The following NFIA variants were observed in gnomAD, a reference collection of about 807,000 sequenced individuals.
The protein encoded by NFIA is nuclear factor 1 A-type.
Under a neutral mutation model 62.8 loss-of-function variants are expected in NFIA, and 8 were observed. The observed-to-expected ratio is 0.13, with a 90% CI of 0.07 to 0.23. The LOEUF (loss-of-function observed/expected upper bound fraction) is 0.23, where lower values mean the gene tolerates loss of function less well. Ranked by LOEUF, NFIA falls within the 10% of genes least tolerant of loss-of-function variation. The probability of loss-of-function intolerance (pLI) is 1.00; values close to 1 mark genes in which losing one functional copy is unlikely to be tolerated. For missense variants in NFIA, 410 were observed against 642.1 expected (o/e 0.64, Z 3.91); for synonymous variants, 235 against 238.1 (o/e 0.99, Z 0.12).
At chr1:61,345,903 C>G (rs1357231251) in intron 4 of NFIA, among the ~76,000 whole-genome samples, 2 of 152,034 alleles carry the variant, frequency 1.3e-5, no homozygotes, top group Non-Finnish European at 2.9e-5. Context: ...ATAAATGATG[C>G]CTAATAAATC....
intron 10 of NFIA, among the ~76,000 whole-genome samples, chr1:61,449,411 C>T (rs1667965096): frequency 1.3e-5 from 2 of 152,168 alleles, no homozygotes; most frequent in South Asian, 4.1e-4. Context: ...CTTAGATAGC[C>T]AGCTTGCCTG....
At chr1:61,269,463 A>G (rs1474832895) in intron 2 of NFIA, among the ~76,000 whole-genome samples, 3 of 152,222 alleles carry the variant, frequency 2.0e-5, no homozygotes, top group Non-Finnish European at 4.4e-5. Flanking sequence ...ATGCCTGTAC[A>G]AAAGTTATTT....
At chr1:61,297,760 A>G (rs1659265619) in intron 3 of NFIA, among the ~76,000 whole-genome samples, 1 of 152,208 alleles carries the variant, frequency 6.6e-6, no homozygotes, top group South Asian at 2.1e-4. Context: ...TAAGTGCTCT[A>G]ACTGTGAAAC....
rs1246133215 is a variant in NFIA, at chr1:61,406,678, G to A, written c.1371G>A (p.Lys457=). The A allele has an allele frequency of 1.9e-6, 3 of 1,610,942 alleles. No individual in the cohort carries two copies. In the South Asian group the frequency reaches 3.3e-5, roughly 18 times the overall value. Residue 457 remains lysine (K), a synonymous_variant, in exon 9 of 11, where the codon AAG becomes AAA. Coordinates refer to ENST00000403491, the MANE Select transcript of NFIA (RefSeq NM_001134673.4). The part of the protein sequence containing the change: ...RPVPLPVPDT[K]PPTTSTEGGA... ...TGCCTCTGCCGGTGCCAGACACAAAGCCTCCAACCACGTCAACAGAAGGAG... is the reference window on the plus strand; with the variant it reads ...TGCCTCTGCCGGTGCCAGACACAAAACCTCCAACCACGTCAACAGAAGGAG...
intron 9 of NFIA, among the ~76,000 whole-genome samples, chr1:61,424,698 C>T (rs1666787846): frequency 6.6e-6 from 1 of 152,178 alleles, no homozygotes; most frequent in Admixed American, 6.5e-5. Flanking sequence ...TCTTTGTGCT[C>T]TAAGAGCAGG....
chr1:61,287,661 C>CCT (rs1658593496), intron 3 of NFIA, among the ~76,000 whole-genome samples: 1 of 151,752 alleles, frequency 6.6e-6, no homozygotes, highest in Non-Finnish European at 1.5e-5. Flanking sequence ...CCCCAACCCC[C>CCT]CCCAAAAAAA....
intron 3 of NFIA, among the ~76,000 whole-genome samples, chr1:61,297,392 T>C (rs1257514089): frequency 6.6e-6 from 1 of 152,180 alleles, no homozygotes; most frequent in Non-Finnish European, 1.5e-5. Context: ...TGCAAACCAC[T>C]GACCCATAGC....
chr1:61,148,957 C>G (rs570103040), intron 2 of NFIA, among the ~76,000 whole-genome samples: 1 of 152,116 alleles, frequency 6.6e-6, no homozygotes, highest in Non-Finnish European at 1.5e-5. Context: ...ACTACAGCCT[C>G]GAACTCCTGG....
At chr1:61,139,109 C>T (rs1284531327) in intron 2 of NFIA, among the ~76,000 whole-genome samples, 2 of 152,070 alleles carry the variant, frequency 1.3e-5, no homozygotes, top group South Asian at 2.1e-4. Context: ...ACCCGGGAGG[C>T]GGAGGTTGCA....
At chr1:61,246,666 G>A (rs1347506976) in intron 2 of NFIA, among the ~76,000 whole-genome samples, 1 of 152,016 alleles carries the variant, frequency 6.6e-6, no homozygotes, top group Non-Finnish European at 1.5e-5. Flanking sequence ...CTTCAAAGGT[G>A]GGATGACTGA....
chr1:61,406,988 A>G (rs986979675), intron 9 of NFIA, among the ~76,000 whole-genome samples: 1 of 152,172 alleles, frequency 6.6e-6, no homozygotes, highest in Non-Finnish European at 1.5e-5. Flanking sequence ...GAGCTATTAC[A>G]TTTTGTATAT....
intron 6 of NFIA, among the ~76,000 whole-genome samples, chr1:61,374,825 C>G (rs1281990009): frequency 6.6e-6 from 1 of 152,132 alleles, no homozygotes; most frequent in Non-Finnish European, 1.5e-5. Context: ...TTTATGCTCT[C>G]TATCATAAAA....
intron 2 of NFIA, among the ~76,000 whole-genome samples, chr1:61,193,919 G>A (rs899467212): frequency 6.6e-6 from 1 of 152,036 alleles, no homozygotes; most frequent in South Asian, 2.1e-4. Context: ...TTTATTGAGG[G>A]CTTTGTCTAC....
chr1:61,216,487 C>T (rs1244742084), intron 2 of NFIA, among the ~76,000 whole-genome samples: 2 of 152,160 alleles, frequency 1.3e-5, no homozygotes, highest in Admixed American at 6.5e-5. Context: ...TCAGTTGGCT[C>T]TTGAAATGAG....
chr1:61,173,430 C>T (rs1650103696), intron 2 of NFIA, among the ~76,000 whole-genome samples: 1 of 152,092 alleles, frequency 6.6e-6, no homozygotes, highest in African/African-American at 2.4e-5. Flanking sequence ...TTCTGTTGCC[C>T]ACGCAGGAGT....
chr1:61,431,426 C>T (rs1446604751), intron 10 of NFIA, among the ~76,000 whole-genome samples: 3 of 152,182 alleles, frequency 2.0e-5, no homozygotes, highest in African/African-American at 7.2e-5. Flanking sequence ...ATATTAAAAA[C>T]AGGCATTTCC....
chr1:61,309,290 T>C (rs149594065), intron 3 of NFIA, among the ~76,000 whole-genome samples: 2 of 151,924 alleles, frequency 1.3e-5, no homozygotes, highest in African/African-American at 4.8e-5. Context: ...TCTTGACTCC[T>C]TCTCCAGTGT....
chr1:61,303,345 T>C (rs1294921868), intron 3 of NFIA, among the ~76,000 whole-genome samples: 3 of 152,192 alleles, frequency 2.0e-5, no homozygotes, highest in African/African-American at 7.2e-5. Context: ...TTCTAGTTGA[T>C]GGAGACAGAT....
rs1668445266 is a variant in NFIA at position 61,459,476 on chromosome 1, A to C, written c.*4156A>C. On this transcript the variant is annotated 3_prime_UTR_variant, in exon 11 of 11. Coordinates refer to ENST00000403491, the MANE Select transcript of NFIA (RefSeq NM_001134673.4). The stretch of plus-strand genomic sequence containing the variant: ...TCTCTTTCCTCTGAGGTTTGAACTG[A>C]TGTTCTGTGTCTTCACACCCTGGCA... The C allele has an allele frequency of 6.6e-6, 1 of 152,108 alleles. No homozygotes were observed. The highest frequency in any genetic ancestry group is 1.5e-5 in the Non-Finnish European group (1 of 68,108). 9.4% of individuals were successfully genotyped at this position (152,108 alleles called of 1,614,324 possible).
Sources: allele counts gnomAD v4.1 joint callset (sites outside exome capture counted in the v4.1 genomes callset), GRCh38; gene constraint gnomAD v4.1.1; transcripts MANE v1.5; gene names NCBI Gene and HGNC (gene_info 2026-07-23, HGNC 2026-07-21).